Variants in SLC9D1 observed in about 807,000 individuals in gnomAD.
The protein encoded by SLC9D1 is putative LAG1-interacting protein.
chr13:113,548,448 G>A, the SLC9D1 span: 14 of 1,605,110 alleles, frequency 8.7e-6, no homozygotes, highest in African/African-American at 2.7e-5. Context: ...GTCATCTCTC[G>A]GGAGGTGAGT....
chr13:113,528,119 C>T, the SLC9D1 span: 1 of 152,218 alleles, frequency 6.6e-6, no homozygotes, highest in Admixed American at 6.5e-5. Flanking sequence ...CATCAGATAA[C>T]TCCAGTATCC....
At chr13:113,521,487 T>C in the SLC9D1 span, among the ~76,000 whole-genome samples, 1 of 151,472 alleles carries the variant, frequency 6.6e-6, no homozygotes, top group Non-Finnish European at 1.5e-5. Context: ...ATATGTGGGG[T>C]ATATCTGTGT....
the SLC9D1 span, among the ~76,000 whole-genome samples, chr13:113,519,430 A>T: frequency 6.6e-6 from 1 of 150,826 alleles, no homozygotes; most frequent in Admixed American, 6.6e-5. Flanking sequence ...AAGCATATTT[A>T]CAGAGTTCAT....
At chr13:113,538,781 G>T in the SLC9D1 span, among the ~76,000 whole-genome samples, 1 of 152,266 alleles carries the variant, frequency 6.6e-6, no homozygotes, top group Non-Finnish European at 1.5e-5. Context: ...TCAGCCGTGC[G>T]TCATCCGGAA....
the SLC9D1 span, chr13:113,495,478 T>C: frequency 1.3e-6 from 1 of 772,310 alleles, no homozygotes; most frequent in East Asian, 2.5e-5. Context: ...TGTTTAACTA[T>C]GTGTGACAAT....
At chr13:113,547,118 C>T in the SLC9D1 span, 1 of 597,706 alleles carries the variant, frequency 1.7e-6, no homozygotes. Flanking sequence ...CAGGCTTTTC[C>T]CCGGTTCGCT....
At chr13:113,534,028 T>G in the SLC9D1 span, 1 of 1,569,644 alleles carries the variant, frequency 6.4e-7, no homozygotes, top group Non-Finnish European at 8.6e-7. Flanking sequence ...AAATCACGTC[T>G]CTTTTTTCTT....
the SLC9D1 span, among the ~76,000 whole-genome samples, chr13:113,494,642 C>T: frequency 6.8e-6 from 1 of 146,558 alleles, no homozygotes; most frequent in African/African-American, 2.6e-5. Flanking sequence ...TTCTAGAGAT[C>T]TAGGTATTGT....
chr13:113,549,559 G>A, the SLC9D1 span: 29 of 1,613,762 alleles, frequency 1.8e-5, no homozygotes, highest in South Asian at 5.5e-5. Flanking sequence ...ATGATGGACC[G>A]TGGAAGGGAA....
the SLC9D1 span, among the ~76,000 whole-genome samples, chr13:113,512,144 A>G: frequency 6.9e-6 from 1 of 145,178 alleles, no homozygotes; most frequent in Non-Finnish European, 1.5e-5. Context: ...GGGTCAGTAT[A>G]TATACACTCG....
the SLC9D1 span, among the ~76,000 whole-genome samples, chr13:113,543,828 T>C: frequency 4.6e-5 from 7 of 151,976 alleles, no homozygotes; most frequent in Non-Finnish European, 1.0e-4. Flanking sequence ...CTAGAGTTCT[T>C]TTATGTTGAG....
At chr13:113,508,578 C>T in the SLC9D1 span, among the ~76,000 whole-genome samples, 9 of 152,224 alleles carry the variant, frequency 5.9e-5, no homozygotes, top group African/African-American at 2.2e-4. Flanking sequence ...GAGAGGGGGC[C>T]GAGCAGAGTA....
chr13:113,510,467 G>A, the SLC9D1 span: 253 of 1,566,026 alleles, frequency 1.6e-4, 3 homozygotes, highest in South Asian at 2.6e-3. Context: ...ATTCATGCTC[G>A]TGTGTAGGTG....
chr13:113,517,433 T>G, the SLC9D1 span, among the ~76,000 whole-genome samples: 2 of 152,138 alleles, frequency 1.3e-5, no homozygotes, highest in African/African-American at 4.8e-5. Flanking sequence ...TTTCACCGTG[T>G]TAGCCAGGAT....
the SLC9D1 span, among the ~76,000 whole-genome samples, chr13:113,543,561 ACTC>A: frequency 1.2e-5 from 1 of 80,098 alleles, no homozygotes; most frequent in Admixed American, 1.5e-4. Flanking sequence ...GCTCCTGGTG[ACTC>A]CTCCTCAGCA....
chr13:113,529,418 AG>A, the SLC9D1 span: 1 of 152,374 alleles, frequency 6.6e-6, no homozygotes. Flanking sequence ...TGGGAGGCTG[AG>A]GGGGGCGGAT....
At chr13:113,517,370 C>T in the SLC9D1 span, among the ~76,000 whole-genome samples, 28,544 of 152,024 alleles carry the variant, frequency 0.19, 3,567 homozygotes, top group African/African-American at 0.36. Context: ...GTAGCTGGGA[C>T]TACAGGCGCC....
the SLC9D1 span, among the ~76,000 whole-genome samples, chr13:113,506,997 G>A: frequency 0.097 from 14,799 of 151,940 alleles, 1,062 homozygotes; most frequent in Admixed American, 0.23. Flanking sequence ...GCTGCCCTGC[G>A]TGGTGACAGA....
the SLC9D1 span, chr13:113,514,600 C>T: frequency 7.5e-6 from 1 of 133,620 alleles, no homozygotes; most frequent in East Asian, 2.2e-4. Context: ...CGACGCCATC[C>T]ACACAAGCCT....
Sources: allele counts gnomAD v4.1 joint callset (sites outside exome capture counted in the v4.1 genomes callset), GRCh38; gene constraint gnomAD v4.1.1; transcripts MANE v1.5; gene names NCBI Gene and HGNC (gene_info 2026-07-23, HGNC 2026-07-21).